GRID1: variants seen among roughly 807,000 people sequenced by gnomAD.
The protein encoded by GRID1 is glutamate ionotropic receptor delta type subunit 1.
GRID1 carries 28 observed loss-of-function variants against 98.0 expected under a neutral mutation model. The observed-to-expected ratio is 0.29, with a 90% CI of 0.21 to 0.39. GRID1 has a LOEUF of 0.39. GRID1 is among the 10% of genes least tolerant of loss of function. The probability of loss-of-function intolerance (pLI) is 1.00; values close to 1 mark genes in which losing one functional copy is unlikely to be tolerated. For missense variants in GRID1, 1,111 were observed against 1,340.5 expected, an observed-to-expected ratio of 0.83 and a Z score of 2.67; for synonymous variants, 553 against 538.5, an observed-to-expected ratio of 1.03 and a Z score of -0.37.
rs754011699 is a variant in GRID1 at position 85,916,179 on chromosome 10, C to G, written c.780+7G>C. ...GGCCGTGCTCATCACATTTCTAGAG[C>G]CCTTACCTCATTCACAAAGACCCAG... On this transcript the variant is annotated splice_region_variant and intron_variant, in intron 5 of 15. Coordinates refer to ENST00000327946, the MANE Select transcript of GRID1 (RefSeq NM_017551.3). This position sits in a 1 kb window ranked among gnomAD's most constrained non-coding sequence, Gnocchi z 4.0. 1 of 1,607,504 alleles carries G rather than the reference C, an allele frequency of 6.2e-7. No homozygotes were observed. Among genetic ancestry groups the G allele is most frequent in the African/African-American group, 1.3e-5 (1 of 74,774 alleles).
At chr10:86,342,532 C>G (rs996695334) in intron 2 of GRID1, among the ~76,000 whole-genome samples, 6 of 152,252 alleles carry the variant, frequency 3.9e-5, no homozygotes, top group Non-Finnish European at 4.4e-5. Flanking sequence ...AAGGGGCTGG[C>G]TGGGCCCTGT....
At position 85,847,869 on chromosome 10, in the gene GRID1, G is replaced by A. The variant is rs533658987; in HGVS notation, c.1233+6627C>T. On this transcript the variant is annotated intron_variant, in intron 8 of 15. Transcript: ENST00000327946. Reference sequence around the variant, plus strand: ...TGACCACATATATTTTTTAATGTCTGTATGTGAAAATATTTTTAAATTCAA... The same window carrying A: ...TGACCACATATATTTTTTAATGTCTATATGTGAAAATATTTTTAAATTCAA... 2.0e-5 allele frequency among the ~76,000 whole-genome samples: 3 copies of A among 152,240 alleles called. No individual in the cohort carries two copies. The East Asian group carries it at 5.8e-4, about 29-fold the overall frequency.
chr10:86,223,968 G>A (rs540786666), intron 2 of GRID1, among the ~76,000 whole-genome samples: 2 of 151,470 alleles, frequency 1.3e-5, no homozygotes, highest in South Asian at 4.2e-4. Flanking sequence ...CAGGTGATAG[G>A]CTAAGGACCA....
At chr10:86,325,193 G>A (rs930066391) in intron 2 of GRID1, among the ~76,000 whole-genome samples, 1 of 152,148 alleles carries the variant, frequency 6.6e-6, no homozygotes, top group Non-Finnish European at 1.5e-5. Flanking sequence ...ACTTGTATAC[G>A]TTTACCTAAC....
chr10:86,276,623 C>T (rs993969385), intron 2 of GRID1, among the ~76,000 whole-genome samples: 4 of 151,824 alleles, frequency 2.6e-5, no homozygotes, highest in Non-Finnish European at 5.9e-5. Context: ...ATGCCTCAGC[C>T]TCTAGAGTGG....
At chr10:86,146,009 G>GA (rs749575608) in intron 3 of GRID1, among the ~76,000 whole-genome samples, 1 of 152,094 alleles carries the variant, frequency 6.6e-6, no homozygotes, top group Admixed American at 6.5e-5. Context: ...CACTCCCTCT[G>GA]AAAAAAATCA....
At chr10:86,116,345 A>C (rs1316152295) in intron 4 of GRID1, among the ~76,000 whole-genome samples, 2 of 152,214 alleles carry the variant, frequency 1.3e-5, no homozygotes, top group African/African-American at 4.8e-5. Flanking sequence ...GCACATCTGC[A>C]ATGCCTCTAC....
chr10:86,098,260 C>T lies in GRID1; in HGVS notation c.726+40559G>A, dbSNP rs138923299. On this transcript the variant is annotated intron_variant, in intron 4 of 15. Coordinates refer to ENST00000327946, the MANE Select transcript of GRID1 (RefSeq NM_017551.3). ...CCATTGTTAACATTTTCTGTTTTACCTCTTTCCATATTTGGCTTTATGCAA... is the reference window on the plus strand; with the variant it reads ...CCATTGTTAACATTTTCTGTTTTACTTCTTTCCATATTTGGCTTTATGCAA... Among the ~76,000 whole-genome samples, 1,057 of 152,310 alleles carry T rather than the reference C, an allele frequency of 6.9e-3. 15 individuals carry two copies. The highest frequency in any genetic ancestry group is 0.017 in the Middle Eastern group (5 of 294).
intron 3 of GRID1, among the ~76,000 whole-genome samples, chr10:86,183,916 A>T (rs1845692757): frequency 6.6e-6 from 1 of 152,234 alleles, no homozygotes; most frequent in African/African-American, 2.4e-5. Context: ...GTTGCCTCAT[A>T]AACTTCCTGA....
intron 5 of GRID1, among the ~76,000 whole-genome samples, chr10:85,908,850 A>G (rs1226958507): frequency 6.6e-6 from 1 of 152,228 alleles, no homozygotes; most frequent in African/African-American, 2.4e-5. Flanking sequence ...AAAAAAATAG[A>G]TCAATGGAAT....
At position 86,102,765 on chromosome 10, in the gene GRID1, T is replaced by C. The variant is rs560493668; in HGVS notation, c.726+36054A>G. On this transcript the variant is annotated intron_variant, in intron 4 of 15. Transcript: ENST00000327946. ...GTTCAAAACCAGACTGCGAGGCCTA[T>C]GGAAGGGCAGGTGATATGGTTTGGC... 3.3e-5 allele frequency among the ~76,000 whole-genome samples: 5 copies of C among 152,108 alleles called. No homozygotes were observed. In the South Asian group the frequency reaches 1.0e-3, roughly 32 times the overall value.
At chr10:85,907,508 C>T (rs1236974083) in intron 5 of GRID1, among the ~76,000 whole-genome samples, 1 of 152,208 alleles carries the variant, frequency 6.6e-6, no homozygotes, top group African/African-American at 2.4e-5. Context: ...AGCTCTATCT[C>T]TAATACATAA....
rs1304281355 is a variant in GRID1, at chr10:85,600,454, T to G, written c.*1819A>C. On this transcript the variant is annotated 3_prime_UTR_variant, in exon 16 of 16. Coordinates refer to ENST00000327946, the MANE Select transcript of GRID1 (RefSeq NM_017551.3). Reference sequence around the variant, plus strand: ...GGGACTTTAGGAAAGAAATCAATCCTGGGCTAGTTATCACCCTCATAAATA... The same window carrying G: ...GGGACTTTAGGAAAGAAATCAATCCGGGGCTAGTTATCACCCTCATAAATA... The G allele has an allele frequency of 3.3e-5, 5 of 152,252 alleles. No individual in the cohort carries two copies. The highest frequency in any genetic ancestry group is 9.6e-5 in the African/African-American group (4 of 41,474). 9.4% of individuals were successfully genotyped at this position (152,252 alleles called of 1,614,324 possible).
At chr10:86,213,253 GC>G (rs1846131093) in intron 2 of GRID1, among the ~76,000 whole-genome samples, 1 of 151,994 alleles carries the variant, frequency 6.6e-6, no homozygotes, top group Non-Finnish European at 1.5e-5. Context: ...CACACTGCCG[GC>G]AAGCAGTGCA....
At chr10:85,834,336 A>G (rs1371734259) in intron 8 of GRID1, among the ~76,000 whole-genome samples, 2 of 152,202 alleles carry the variant, frequency 1.3e-5, no homozygotes, top group Non-Finnish European at 2.9e-5. Context: ...TTCCTGAAAG[A>G]AAAGAACTCT....
chr10:86,194,639 T>C (rs976647579), intron 3 of GRID1, among the ~76,000 whole-genome samples: 5 of 152,146 alleles, frequency 3.3e-5, no homozygotes, highest in African/African-American at 4.8e-5. Flanking sequence ...ATGACTTATG[T>C]ATATGATACA....
At chr10:86,333,509 G>A (rs1253472435) in intron 2 of GRID1, among the ~76,000 whole-genome samples, 1 of 152,212 alleles carries the variant, frequency 6.6e-6, no homozygotes, top group African/African-American at 2.4e-5. Flanking sequence ...GTGAACAAAT[G>A]TTTGTTGAAA....
intron 12 of GRID1, among the ~76,000 whole-genome samples, chr10:85,669,711 C>A (rs74563633): frequency 6.6e-6 from 1 of 152,176 alleles, no homozygotes; most frequent in Non-Finnish European, 1.5e-5. Context: ...CATCCCCAGA[C>A]GGATCTTATC....
At chr10:85,975,111 T>C (rs1842455114) in intron 4 of GRID1, among the ~76,000 whole-genome samples, 1 of 152,262 alleles carries the variant, frequency 6.6e-6, no homozygotes, top group African/African-American at 2.4e-5. Context: ...TCTCATCATT[T>C]GCCCAAATGA....
Sources: allele counts gnomAD v4.1 joint callset (sites outside exome capture counted in the v4.1 genomes callset), GRCh38; gene constraint gnomAD v4.1.1; non-coding constraint Gnocchi (gnomAD v3.1); transcripts MANE v1.5; gene names NCBI Gene and HGNC (gene_info 2026-07-23, HGNC 2026-07-21).